FAT3: variants seen among roughly 807,000 people sequenced by gnomAD.
FAT3 encodes the protein protocadherin Fat 3.
FAT3 carries 95 observed loss-of-function variants against 310.2 expected under a neutral mutation model. The ratio of observed to expected loss-of-function variants is 0.31; its 90% CI spans 0.26 to 0.36. FAT3 has a LOEUF of 0.36. Ranked by LOEUF, FAT3 falls within the 10% of genes least tolerant of loss-of-function variation. FAT3 has a pLI of 1.00. For synonymous variants in FAT3, 2,314 were observed against 2,192.9 expected (o/e 1.06, Z -1.54); for missense variants, 5,408 against 5,715.6 (o/e 0.95, Z 1.74).
chr11:92,878,232 G>A (rs1181429674), intron 22 of FAT3, among the ~76,000 whole-genome samples: 1 of 152,124 alleles, frequency 6.6e-6, no homozygotes, highest in Non-Finnish European at 1.5e-5. Flanking sequence ...ACAGTCTTGA[G>A]GCAGGATTCT....
At chr11:92,561,872 C>G (rs1955238240) in intron 3 of FAT3, among the ~76,000 whole-genome samples, 1 of 152,046 alleles carries the variant, frequency 6.6e-6, no homozygotes, top group South Asian at 2.1e-4. Context: ...GTGATCCACC[C>G]ATCTCAGCCT....
At chr11:92,830,315 GGTT>G (rs1281849141) in intron 13 of FAT3, among the ~76,000 whole-genome samples, 2 of 152,148 alleles carry the variant, frequency 1.3e-5, no homozygotes, top group African/African-American at 4.8e-5. Context: ...ATAATTAATT[GGTT>G]GTTAATAGAC....
At chr11:92,323,192 A>C (rs1947671300) in intron 1 of FAT3, among the ~76,000 whole-genome samples, 1 of 152,008 alleles carries the variant, frequency 6.6e-6, no homozygotes, top group Non-Finnish European at 1.5e-5. Flanking sequence ...ATTGTTAATG[A>C]GCAGTAATAT....
At chr11:92,409,740 GA>G (rs1950211629) in intron 2 of FAT3, among the ~76,000 whole-genome samples, 1 of 152,158 alleles carries the variant, frequency 6.6e-6, no homozygotes, top group African/African-American at 2.4e-5. Flanking sequence ...TTCACAGTTA[GA>G]AGCCAGCATG....
rs567591596 is a variant in FAT3 at position 92,352,610 on chromosome 11, C to T, written c.498C>T (p.Thr166=). The change falls in exon 2 of 28, where the codon ACC becomes ACT. Residue 166 remains threonine (T), a synonymous_variant. Transcript: ENST00000525166. ...PLFSPTTYSV[T]IAESTPLRTS... is the part of the protein sequence containing the mutation. Reference sequence around the variant, plus strand: ...TTTCACCCACAACATACTCTGTTACCATAGCAGAAAGCACACCTCTAAGGA... The same window carrying T: ...TTTCACCCACAACATACTCTGTTACTATAGCAGAAAGCACACCTCTAAGGA... 10 of 1,613,802 alleles carry T rather than the reference C, an allele frequency of 6.2e-6. No homozygotes were observed. In the South Asian group the frequency reaches 1.1e-4, roughly 18 times the overall value.
chr11:92,418,426 C>CAA (rs1285150944), intron 2 of FAT3, among the ~76,000 whole-genome samples: 4 of 41,978 alleles, frequency 9.5e-5, no homozygotes, highest in Non-Finnish European at 2.2e-4. Context: ...AACACCCCCC[C>CAA]CACCCCCCCA....
chr11:92,838,615 G>A (rs893922743), intron 17 of FAT3, among the ~76,000 whole-genome samples: 83 of 152,312 alleles, frequency 5.4e-4, no homozygotes, highest in African/African-American at 1.8e-3. Context: ...GACTTGGAGG[G>A]CCACAGGTAT....
At chr11:92,299,624 T>C (rs1946940294) in intron 1 of FAT3, among the ~76,000 whole-genome samples, 1 of 152,086 alleles carries the variant, frequency 6.6e-6, no homozygotes, top group East Asian at 1.9e-4. Context: ...GGTGAAGACT[T>C]ATATTTGACA....
intron 5 of FAT3, among the ~76,000 whole-genome samples, chr11:92,762,924 G>A (rs560279546): frequency 1.4e-4 from 21 of 152,122 alleles, no homozygotes; most frequent in East Asian, 1.9e-4. Context: ...TTGGGAGGCC[G>A]AGGCAGGCGG....
At chr11:92,264,511 A>G (rs1282848915) in intron 1 of FAT3, among the ~76,000 whole-genome samples, 6 of 152,162 alleles carry the variant, frequency 3.9e-5, no homozygotes, top group African/African-American at 1.4e-4. Context: ...ATTTAGAGGG[A>G]GCTTAACTAG....
At position 92,354,996 on chromosome 11, in the gene FAT3, G is replaced by A. The variant is rs774871868; in HGVS notation, c.2884G>A (p.Asp962Asn). ...TGTCATTGCTTGGCTTGAGACCCATGATCCAGATCTTGGACTGGGGGGTCA... is the reference window on the plus strand; with the variant it reads ...TGTCATTGCTTGGCTTGAGACCCATAATCCAGATCTTGGACTGGGGGGTCA... ...GTVIAWLETH[D>N]PDLGLGGQVR... is the part of the protein sequence containing the mutation. Residue 962 changes from aspartate (D) to asparagine (N), a missense_variant, in exon 2 of 28, where the codon GAT becomes AAT. Physicochemically the swap from Asp to Asn is conservative, Grantham distance 23. Coordinates refer to ENST00000525166, the MANE Select transcript of FAT3 (RefSeq NM_001367949.2). 1 of 1,613,844 alleles carries A rather than the reference G, an allele frequency of 6.2e-7. No homozygotes were observed.
chr11:92,374,071 T>C (rs910850489), intron 2 of FAT3, among the ~76,000 whole-genome samples: 3 of 140,906 alleles, frequency 2.1e-5, no homozygotes, highest in African/African-American at 8.3e-5. Flanking sequence ...TTGCTTTCCT[T>C]CTGCCTTTTT....
intron 1 of FAT3, among the ~76,000 whole-genome samples, chr11:92,259,591 C>T (rs1449682731): frequency 2.0e-5 from 3 of 151,828 alleles, no homozygotes; most frequent in Admixed American, 6.6e-5. Flanking sequence ...GAGAGCTGTA[C>T]GAAGCCACAA....
intron 1 of FAT3, among the ~76,000 whole-genome samples, chr11:92,335,846 C>T (rs1356346874): frequency 6.6e-6 from 1 of 152,114 alleles, no homozygotes; most frequent in Non-Finnish European, 1.5e-5. Context: ...TATATTAGGA[C>T]AATCATTCCA....
chr11:92,275,758 C>A (rs575605110), intron 1 of FAT3, among the ~76,000 whole-genome samples: 1 of 152,198 alleles, frequency 6.6e-6, no homozygotes, highest in South Asian at 2.1e-4. Context: ...TCTAAATGTT[C>A]ATTTGGATGA....
rs1276830214 is a variant in FAT3 at position 92,365,874 on chromosome 11, C to T, written c.3292+10470C>T. Among the ~76,000 whole-genome samples the T allele has an allele frequency of 2.6e-5, 4 of 152,326 alleles. No homozygotes were observed. In the South Asian group the frequency reaches 8.3e-4, roughly 32 times the overall value. ...CTGATGACCACATGTGGGGCTATTT[C>T]AACTGCCATGAGAAACCCCAGAAAG... On this transcript the variant is annotated intron_variant, in intron 2 of 27. Transcript: ENST00000525166.
intron 21 of FAT3, among the ~76,000 whole-genome samples, chr11:92,865,700 C>A (rs1949226728): frequency 6.6e-6 from 1 of 152,216 alleles, no homozygotes. Flanking sequence ...AAATGTAGAA[C>A]AAGGTGGACG....
chr11:92,531,617 A>G (rs960001093), intron 3 of FAT3, among the ~76,000 whole-genome samples: 9 of 152,102 alleles, frequency 5.9e-5, no homozygotes, highest in African/African-American at 1.4e-4. Context: ...ATGCTGCTTC[A>G]TGTCTTGCTA....
intron 2 of FAT3, chr11:92,498,295 CT>C: frequency 4.2e-6 from 1 of 236,260 alleles, no homozygotes; most frequent in Non-Finnish European, 8.9e-6. Context: ...AGCATTTTTA[CT>C]TTTCTAACAA....
Sources: gnomAD v4.1 joint callset for allele counts (sites outside exome capture counted in the v4.1 genomes callset) on GRCh38, gnomAD v4.1.1 for gene constraint, MANE v1.5 for transcripts, NCBI Gene and HGNC (gene_info 2026-07-23, HGNC 2026-07-21) for gene names.